The following FGF10 variants were observed in gnomAD, a reference collection of about 807,000 sequenced individuals.
FGF10 encodes the protein FGF-10.
Under a neutral mutation model 19.8 loss-of-function variants are expected in FGF10, and 2 were observed. The observed-to-expected ratio is 0.10, with a 90% CI of 0.04 to 0.32. The LOEUF (loss-of-function observed/expected upper bound fraction) is 0.32, where lower values mean the gene tolerates loss of function less well. Ranked by LOEUF, FGF10 falls within the 10% of genes least tolerant of loss-of-function variation. The pLI is 1.00. For synonymous variants in FGF10, 112 were observed against 94.0 expected (o/e 1.19, Z -1.10); for missense variants, 191 against 246.3 (o/e 0.78, Z 1.50).
intron 1 of FGF10, among the ~76,000 whole-genome samples, chr5:44,364,576 C>T (rs1448579406): frequency 6.6e-6 from 1 of 151,722 alleles, no homozygotes; most frequent in East Asian, 1.9e-4. Context: ...GCTAACAAAT[C>T]TTTATTTAAG....
chr5:44,303,173 T>A lies in FGF10; in HGVS notation c.*1822A>T, dbSNP rs982156645. 1.3e-5 allele frequency among the ~76,000 whole-genome samples: 2 copies of A among 152,158 alleles called. No homozygotes were observed. The highest frequency in any genetic ancestry group is 4.8e-5 in the African/African-American group (2 of 41,436). ...GACAGTGCCTCAAATGTGTTTCTTC[T>A]GAAATACAGTTTTTTTGAAGAATGG... On this transcript the variant is annotated 3_prime_UTR_variant, in exon 3 of 3. Coordinates refer to ENST00000264664, the MANE Select transcript of FGF10 (RefSeq NM_004465.2).
rs552197628 is a variant in FGF10, at chr5:44,344,520, C to CT, written c.326-33991dup. 1.7e-4 allele frequency among the ~76,000 whole-genome samples: 24 copies of CT among 138,472 alleles called. 1 individual carries two copies. The highest frequency in any genetic ancestry group is 3.5e-4 in the African/African-American group (13 of 37,172). 90.8% of individuals were successfully genotyped at this position (138,472 alleles called of 152,430 possible). ...AGTTATAGTTGGGGCAAAAGTTAAC[C>CT]TTTTTTTTTTCCTTTACCAAAATTA... On this transcript the variant is annotated intron_variant, in intron 1 of 2. Coordinates refer to ENST00000264664, the MANE Select transcript of FGF10 (RefSeq NM_004465.2).
intron 1 of FGF10, among the ~76,000 whole-genome samples, chr5:44,326,552 C>T (rs867878917): frequency 6.6e-6 from 1 of 151,898 alleles, no homozygotes; most frequent in Non-Finnish European, 1.5e-5. Context: ...GCACAAACCA[C>T]CATGCCCAGC....
intron 1 of FGF10, among the ~76,000 whole-genome samples, chr5:44,344,474 A>G (rs913403885): frequency 2.0e-5 from 3 of 151,850 alleles, no homozygotes; most frequent in African/African-American, 7.3e-5. Flanking sequence ...AACAAACAGT[A>G]AAAATATCAG....
intron 1 of FGF10, among the ~76,000 whole-genome samples, chr5:44,320,712 CT>C (rs55668182): frequency 0.54 from 81,664 of 151,382 alleles, 23,983 homozygotes; most frequent in Non-Finnish European, 0.67. Flanking sequence ...TGGAGGTTTT[CT>C]TTTTTTTTCT....
At chr5:44,374,587 A>T (rs572440686) in intron 1 of FGF10, among the ~76,000 whole-genome samples, 1 of 152,316 alleles carries the variant, frequency 6.6e-6, no homozygotes, top group East Asian at 1.9e-4. Context: ...AAAGTAAATG[A>T]CCTGCTTAAG....
chr5:44,319,793 G>A (rs1740440126), intron 1 of FGF10, among the ~76,000 whole-genome samples: 1 of 152,130 alleles, frequency 6.6e-6, no homozygotes, highest in Non-Finnish European at 1.5e-5. Context: ...CTTGACAAAT[G>A]GCAACATTGA....
At chr5:44,352,307 A>C (rs1368940543) in intron 1 of FGF10, among the ~76,000 whole-genome samples, 9 of 151,770 alleles carry the variant, frequency 5.9e-5, no homozygotes, top group Non-Finnish European at 1.0e-4. Context: ...TACACAATGC[A>C]AAAGCTGCCA....
chr5:44,320,033 T>A (rs538178683), intron 1 of FGF10, among the ~76,000 whole-genome samples: 12 of 152,110 alleles, frequency 7.9e-5, no homozygotes, highest in Admixed American at 2.0e-4. Flanking sequence ...TAGATTCTCA[T>A]AGGAGCTCGA....
rs767735212 is a variant in FGF10 at position 44,388,383 on chromosome 5, C to T, written c.300G>A (p.Gly100=). The T allele has an allele frequency of 6.8e-6, 11 of 1,613,374 alleles. No individual in the cohort carries two copies. The highest frequency in any genetic ancestry group is 5.3e-5 in the African/African-American group (4 of 74,890). ...TGTACGGGCAGTTCTCCTTCTTGGT[C>T]CCGCTGACCTTCCCGTTCTTCTCAA... ...LKIEKNGKVS[G]TKKENCPYSI... is the part of the protein sequence containing the mutation. Residue 100 remains glycine (G), a synonymous_variant, in exon 1 of 3, where the codon GGG becomes GGA. Coordinates refer to ENST00000264664, the MANE Select transcript of FGF10 (RefSeq NM_004465.2).
intron 1 of FGF10, among the ~76,000 whole-genome samples, chr5:44,331,049 T>G (rs1740724634): frequency 6.6e-6 from 1 of 152,144 alleles, no homozygotes; most frequent in Non-Finnish European, 1.5e-5. Context: ...TATGACTTCA[T>G]TTATATACTA....
At chr5:44,324,147 A>G (rs1740559412) in intron 1 of FGF10, among the ~76,000 whole-genome samples, 1 of 152,124 alleles carries the variant, frequency 6.6e-6, no homozygotes, top group African/African-American at 2.4e-5. Context: ...TTGAGTTCTC[A>G]TGCACATAAA....
chr5:44,334,248 C>T (rs937460330), intron 1 of FGF10, among the ~76,000 whole-genome samples: 35 of 152,098 alleles, frequency 2.3e-4, no homozygotes, highest in African/African-American at 4.8e-4. Context: ...GCCTTGTATC[C>T]GTTCCTGTTT....
At chr5:44,387,652 G>T (rs1742133895) in intron 1 of FGF10, among the ~76,000 whole-genome samples, 1 of 152,174 alleles carries the variant, frequency 6.6e-6, no homozygotes. Flanking sequence ...ATGTTACCAA[G>T]AGGGAAGGCA....
chr5:44,350,517 A>T (rs1482321680), intron 1 of FGF10, among the ~76,000 whole-genome samples: 1 of 151,042 alleles, frequency 6.6e-6, no homozygotes, highest in Non-Finnish European at 1.5e-5. Context: ...GGCATGCAAT[A>T]CTATTAGCAA....
intron 1 of FGF10, among the ~76,000 whole-genome samples, chr5:44,378,240 AG>A (rs1741909491): frequency 6.6e-6 from 1 of 152,176 alleles, no homozygotes; most frequent in Admixed American, 6.5e-5. Flanking sequence ...ATATGAGGAC[AG>A]GTTTGGAATT....
chr5:44,372,081 T>G (rs1327489981), intron 1 of FGF10, among the ~76,000 whole-genome samples: 1 of 152,116 alleles, frequency 6.6e-6, no homozygotes, highest in African/African-American at 2.4e-5. Context: ...CAACGGAAAT[T>G]TATTCTCTCA....
At chr5:44,353,369 T>C (rs775521801) in intron 1 of FGF10, among the ~76,000 whole-genome samples, 15 of 151,584 alleles carry the variant, frequency 9.9e-5, no homozygotes, top group Non-Finnish European at 2.1e-4. Flanking sequence ...TTTCTTTACA[T>C]TTCAATAAGC....
intron 1 of FGF10, among the ~76,000 whole-genome samples, chr5:44,357,510 C>A (rs191402541): frequency 6.0e-4 from 91 of 151,506 alleles, no homozygotes; most frequent in Non-Finnish European, 1.0e-3. Context: ...GTAATTTAAC[C>A]ATCATGATAG....
Sources: allele counts gnomAD v4.1 joint callset (sites outside exome capture counted in the v4.1 genomes callset), GRCh38; gene constraint gnomAD v4.1.1; transcripts MANE v1.5; gene names NCBI Gene and HGNC (gene_info 2026-07-23, HGNC 2026-07-21).